ITGB8: variants seen among roughly 807,000 people sequenced by gnomAD.
The protein encoded by ITGB8 is integrin beta-8.
In ITGB8, 30 loss-of-function variants were observed where a neutral mutation model predicts 89.5. That is an observed-to-expected ratio of 0.34 (90% CI 0.25 to 0.45). The LOEUF (loss-of-function observed/expected upper bound fraction) is 0.45, where lower values mean the gene tolerates loss of function less well. Ranked by LOEUF, ITGB8 falls within the 20% of genes least tolerant of loss-of-function variation. The probability of loss-of-function intolerance (pLI) is 1.00; values close to 1 mark genes in which losing one functional copy is unlikely to be tolerated. For synonymous variants in ITGB8, 335 were observed against 320.4 expected (o/e 1.05, Z -0.49); for missense variants, 836 against 933.3 (o/e 0.90, Z 1.36).
rs755896757 is a variant in ITGB8 at position 20,331,867 on chromosome 7, C to G, written c.61C>G (p.Arg21Gly). The G allele has an allele frequency of 6.2e-7, 1 of 1,614,034 alleles. No homozygotes were observed. The highest frequency in any genetic ancestry group is 8.5e-7 in the Non-Finnish European group (1 of 1,180,028). Reference sequence around the variant, plus strand: ...ATTTGTCTGCCTGCAAAACGACCGGCGAGGTCCCGCCTCGTTCCTCTGGGC... The same window carrying G: ...ATTTGTCTGCCTGCAAAACGACCGGGGAGGTCCCGCCTCGTTCCTCTGGGC... ...AAFVCLQNDR[R>G]GPASFLWAAW... The change falls in exon 1 of 14, where the codon CGA (arginine) becomes GGA (glycine). Residue 21 changes from arginine (R) to glycine (G), a missense_variant. Physicochemically the swap from Arg to Gly is moderately radical, Grantham distance 125. Transcript: ENST00000222573.
rs767760174 is a variant in ITGB8, at chr7:20,402,080, AAAG to A, written c.1642_1644del (p.Lys548del). 3 of 1,614,000 alleles carry A rather than the reference AAAG, an allele frequency of 1.9e-6. No homozygotes were observed. The highest frequency in any genetic ancestry group is 2.5e-6 in the Non-Finnish European group (3 of 1,179,930). On this transcript the variant is annotated inframe_deletion, in exon 10 of 14. Coordinates refer to ENST00000222573, the MANE Select transcript of ITGB8 (RefSeq NM_002214.3). ...GAAAAGTGTATGGAAAATACTGTGAAAAGGATGACTTTTCTTGTCCATATCACC... is the reference window on the plus strand; with the variant it reads ...GAAAAGTGTATGGAAAATACTGTGAAGATGACTTTTCTTGTCCATATCACC...
intron 1 of ITGB8, among the ~76,000 whole-genome samples, chr7:20,347,167 C>T (rs1784954787): frequency 6.6e-6 from 1 of 152,230 alleles, no homozygotes; most frequent in East Asian, 1.9e-4. Context: ...GATTCCAAAA[C>T]TGCGAGAAAT....
chr7:20,346,158 A>G (rs754767837), intron 1 of ITGB8, among the ~76,000 whole-genome samples: 4 of 152,164 alleles, frequency 2.6e-5, no homozygotes, highest in Non-Finnish European at 4.4e-5. Flanking sequence ...AGACACTTAT[A>G]CATCTCCAAG....
At chr7:20,335,699 G>A (rs924671481) in intron 1 of ITGB8, among the ~76,000 whole-genome samples, 1 of 152,266 alleles carries the variant, frequency 6.6e-6, no homozygotes, top group Admixed American at 6.5e-5. Context: ...AATCCATTGT[G>A]AGCAGGCTTT....
intron 8 of ITGB8, among the ~76,000 whole-genome samples, chr7:20,396,951 T>G (rs1486310100): frequency 4.6e-5 from 7 of 152,194 alleles, no homozygotes; most frequent in African/African-American, 1.7e-4. Flanking sequence ...CTACTCTCCT[T>G]AAGTTGGAAT....
intron 3 of ITGB8, among the ~76,000 whole-genome samples, chr7:20,371,793 G>A (rs2127952277): frequency 6.6e-6 from 1 of 152,200 alleles, no homozygotes. Context: ...ATGCATTCCT[G>A]GCAGTAGATC....
chr7:20,395,748 G>A (rs1787048318), intron 8 of ITGB8, among the ~76,000 whole-genome samples: 1 of 152,204 alleles, frequency 6.6e-6, no homozygotes, highest in African/African-American at 2.4e-5. Flanking sequence ...CAGGTGGTTA[G>A]TACCCACATT....
At chr7:20,382,514 G>C (rs954543824) in intron 6 of ITGB8, among the ~76,000 whole-genome samples, 39 of 152,136 alleles carry the variant, frequency 2.6e-4, no homozygotes, top group African/African-American at 9.2e-4. Flanking sequence ...TAGTTGTGAA[G>C]AATCAACAGT....
chr7:20,340,523 T>A (rs868762610), intron 1 of ITGB8, among the ~76,000 whole-genome samples: 1 of 152,188 alleles, frequency 6.6e-6, no homozygotes, highest in Non-Finnish European at 1.5e-5. Flanking sequence ...TTTTCCATGG[T>A]TTTGGACTCA....
rs1785802768 is a variant in ITGB8, at chr7:20,368,662, TCTTA to T, written c.388+1479_388+1482del. Among the ~76,000 whole-genome samples the T allele has an allele frequency of 6.6e-5, 10 of 152,332 alleles. No individual in the cohort carries two copies. The South Asian group carries it at 1.9e-3, about 28-fold the overall frequency. ...AAATATGACTACATTCTTAAAAATG[TCTTA>T]CTCTTTTTTAAATTCTTGAGATTTG... is the stretch of plus-strand genomic sequence containing the variant. On this transcript the variant is annotated intron_variant, in intron 3 of 13. Transcript: ENST00000222573.
At chr7:20,383,705 T>C (rs1463842390) in intron 6 of ITGB8, among the ~76,000 whole-genome samples, 1 of 152,154 alleles carries the variant, frequency 6.6e-6, no homozygotes, top group Non-Finnish European at 1.5e-5. Context: ...GCATATACCA[T>C]GTTATAGAAC....
At chr7:20,382,041 T>C in intron 6 of ITGB8, 156 bp downstream of exon 6, 4 of 617,618 alleles carry the variant, frequency 6.5e-6, no homozygotes, top group Non-Finnish European at 1.1e-5. Flanking sequence ...AACAGTGCAA[T>C]CTATAAATAC....
intron 1 of ITGB8, among the ~76,000 whole-genome samples, chr7:20,348,046 G>A (rs3757722): frequency 0.14 from 21,073 of 152,048 alleles, 1,865 homozygotes; most frequent in East Asian, 0.36. Flanking sequence ...ATGAGGAGAG[G>A]CATTTTTCTA....
intron 8 of ITGB8, among the ~76,000 whole-genome samples, chr7:20,396,369 C>T (rs1038956370): frequency 6.0e-5 from 9 of 151,186 alleles, no homozygotes; most frequent in African/African-American, 2.2e-4. Flanking sequence ...GGAGGCGGAG[C>T]TTGCAATGAG....
Position 20,391,517 on chromosome 7 carries a change from T to C in ITGB8, c.1056+19T>C, listed in dbSNP as rs1446792509. On this transcript the variant is annotated intron_variant, in intron 7 of 13. Transcript: ENST00000222573. ...GTATAAGGTATGTTAACTCTGAAAA[T>C]GTTAAAATTAAATTTTTTTCATTGG... 1 of 1,359,370 alleles carries C rather than the reference T, an allele frequency of 7.4e-7. No homozygotes were observed. The highest frequency in any genetic ancestry group is 1.3e-5 in the South Asian group (1 of 75,512). 84.2% of individuals were successfully genotyped at this position (1,359,370 alleles called of 1,614,324 possible).
intron 3 of ITGB8, among the ~76,000 whole-genome samples, chr7:20,367,513 G>A (rs1012194570): frequency 4.6e-5 from 7 of 152,098 alleles, no homozygotes; most frequent in Admixed American, 2.6e-4. Flanking sequence ...TTTTTCCAAT[G>A]CCTAGCAGAG....
chr7:20,335,021 C>G (rs572830045), intron 1 of ITGB8, among the ~76,000 whole-genome samples: 3 of 152,194 alleles, frequency 2.0e-5, no homozygotes, highest in Non-Finnish European at 2.9e-5. Context: ...TACTCATCAC[C>G]CAGCTTCATT....
intron 1 of ITGB8, among the ~76,000 whole-genome samples, chr7:20,360,004 C>CT (rs1026718267): frequency 6.6e-6 from 1 of 152,084 alleles, no homozygotes; most frequent in African/African-American, 2.4e-5. Context: ...TTTATGGGAT[C>CT]TTTTTTCCTG....
intron 3 of ITGB8, among the ~76,000 whole-genome samples, chr7:20,376,056 C>A (rs993052735): frequency 6.6e-5 from 10 of 152,138 alleles, no homozygotes; most frequent in African/African-American, 2.4e-4. Context: ...CAATCATTCC[C>A]CTTCCCTTCC....
Sources: allele counts gnomAD v4.1 joint callset (sites outside exome capture counted in the v4.1 genomes callset), GRCh38; gene constraint gnomAD v4.1.1; transcripts MANE v1.5; gene names NCBI Gene and HGNC (gene_info 2026-07-23, HGNC 2026-07-21).